Variants in ZNF667 observed in about 807,000 individuals in gnomAD.
ZNF667 encodes myocardial ischemic preconditioning upregulated 1 ortholog.
ZNF667 carries 13 observed loss-of-function variants against 31.8 expected under a neutral mutation model. The ratio of observed to expected loss-of-function variants is 0.41; its 90% CI spans 0.27 to 0.65. ZNF667 has a LOEUF of 0.65. Among genes scored for constraint, ZNF667 ranks in the 30% least tolerant of loss-of-function variants. The pLI, the probability that ZNF667 is intolerant of heterozygous loss-of-function variation, is 0.32. For missense variants in ZNF667, 642 were observed against 725.6 expected, an observed-to-expected ratio of 0.88 and a Z score of 1.32; for synonymous variants, 228 against 247.1, an observed-to-expected ratio of 0.92 and a Z score of 0.73.
intron 6 of ZNF667, among the ~76,000 whole-genome samples, chr19:56,448,394 A>G (rs1300120069): frequency 6.6e-6 from 1 of 152,142 alleles, no homozygotes. Flanking sequence ...TAAATCTGAA[A>G]GGCAGTCTAG....
chr19:56,466,855 G>A, intron 3 of ZNF667: 1 of 379,832 alleles, frequency 2.6e-6, no homozygotes, highest in Non-Finnish European at 5.3e-6. Context: ...TTTAGTGAGT[G>A]CATCTGCACA....
chr19:56,460,032 TAC>T (rs1375976828), intron 5 of ZNF667, among the ~76,000 whole-genome samples: 1 of 151,968 alleles, frequency 6.6e-6, no homozygotes, highest in Non-Finnish European at 1.5e-5. Context: ...AAGAGTTACC[TAC>T]AGAGTTTCCA....
intron 3 of ZNF667, chr19:56,470,132 G>A (rs1387858548): frequency 4.7e-6 from 2 of 425,510 alleles, no homozygotes; most frequent in Non-Finnish European, 9.6e-6. Flanking sequence ...TCTGCAAAGG[G>A]AGGACAAAGG....
rs914037635 is a variant in ZNF667, at chr19:56,442,530, T to G, written c.465A>C (p.Arg155=). 7 of 1,613,880 alleles carry G rather than the reference T, an allele frequency of 4.3e-6. No homozygotes were observed. The highest frequency in any genetic ancestry group is 4.2e-6 in the Non-Finnish European group (5 of 1,179,926). Residue 155 remains arginine (R), a synonymous_variant, in exon 7 of 7, where the codon CGA becomes CGC. Coordinates refer to ENST00000504904, the MANE Select transcript of ZNF667 (RefSeq NM_001321356.2). ...TCTGATGAAGTTTAAGAGAGAAGCT[T>G]CGACTAAAGGTTTTACCACAGTCAT... is the stretch of plus-strand genomic sequence containing the variant. ...KCNDCGKTFS[R]SFSLKLHQNI... is the part of the protein sequence containing the mutation.
chr19:56,443,509 C>T (rs2042661186), intron 6 of ZNF667, among the ~76,000 whole-genome samples: 1 of 152,148 alleles, frequency 6.6e-6, no homozygotes, highest in Non-Finnish European at 1.5e-5. Flanking sequence ...CAAACCTGTA[C>T]ATGACGTTAC....
chr19:56,454,211 T>C (rs900926747), intron 6 of ZNF667, among the ~76,000 whole-genome samples: 13 of 152,302 alleles, frequency 8.5e-5, no homozygotes, highest in African/African-American at 3.1e-4. Context: ...TAGTCCATGC[T>C]CATGGATTTG....
At chr19:56,470,615 C>T (rs530446015) in intron 3 of ZNF667, among the ~76,000 whole-genome samples, 2 of 152,312 alleles carry the variant, frequency 1.3e-5, no homozygotes, top group South Asian at 2.1e-4. Flanking sequence ...CCTGGCAGGG[C>T]ACGGGAGGCA....
intron 5 of ZNF667, 42 bp from the exon 6 acceptor site, chr19:56,458,289 C>A: frequency 6.3e-7 from 1 of 1,579,698 alleles, no homozygotes; most frequent in South Asian, 1.1e-5. Flanking sequence ...TAAATGTGGG[C>A]ACCACAGAAG....
At chr19:56,443,481 T>C (rs55960273) in intron 6 of ZNF667, among the ~76,000 whole-genome samples, 6,953 of 152,278 alleles carry the variant, frequency 0.046, 209 homozygotes, top group Non-Finnish European at 0.069. Flanking sequence ...TTATATTGTA[T>C]AGCCTGTTCC....
At chr19:56,471,145 G>A (rs1228510848) in intron 3 of ZNF667, among the ~76,000 whole-genome samples, 2 of 151,956 alleles carry the variant, frequency 1.3e-5, no homozygotes, top group African/African-American at 4.8e-5. Context: ...TTGTTTAGAA[G>A]TGTGTAGCCC....
rs1279859113 is a variant in ZNF667 at position 56,439,859 on chromosome 19, C to A, written c.*1303G>T. On this transcript the variant is annotated 3_prime_UTR_variant, in exon 7 of 7. Transcript: ENST00000504904. The stretch of plus-strand genomic sequence containing the variant: ...TTTTTCAGTGGAGACGGGGTTTCAC[C>A]GTGTTAGCCAGGATTGTCTCAATCT... 1 of 152,294 alleles carries A rather than the reference C, an allele frequency of 6.6e-6. No individual in the cohort carries two copies. The highest frequency in any genetic ancestry group is 2.4e-5 in the African/African-American group (1 of 41,428). The allele number at this position is 152,294 out of a possible 1,614,324, so 9.4% of individuals were successfully genotyped here.
At chr19:56,451,344 A>G (rs982764149) in intron 6 of ZNF667, among the ~76,000 whole-genome samples, 1 of 152,184 alleles carries the variant, frequency 6.6e-6, no homozygotes, top group Non-Finnish European at 1.5e-5. Flanking sequence ...TTCAGAGCTA[A>G]AGAGAGAGAC....
chr19:56,457,185 T>C (rs2042950542), intron 6 of ZNF667, among the ~76,000 whole-genome samples: 1 of 152,144 alleles, frequency 6.6e-6, no homozygotes, highest in African/African-American at 2.4e-5. Flanking sequence ...CAATGAATCC[T>C]TGAAAAGTAG....
At chr19:56,462,456 C>T in intron 3 of ZNF667, 27 bp from the exon 4 acceptor site, 1 of 1,538,308 alleles carries the variant, frequency 6.5e-7, no homozygotes, top group Non-Finnish European at 9.0e-7. Context: ...GGTCATGAGG[C>T]AGTGCCAGAG....
chr19:56,453,416 A>G (rs2042874025), intron 6 of ZNF667, among the ~76,000 whole-genome samples: 1 of 152,164 alleles, frequency 6.6e-6, no homozygotes, highest in South Asian at 2.1e-4. Flanking sequence ...CACATCAAAA[A>G]AAGAGCTTAA....
At chr19:56,466,284 C>CA (rs2043157712) in intron 3 of ZNF667, among the ~76,000 whole-genome samples, 1 of 152,200 alleles carries the variant, frequency 6.6e-6, no homozygotes, top group African/African-American at 2.4e-5. Context: ...CTCGAGAATG[C>CA]TGGAACCTGG....
intron 1 of ZNF667, chr19:56,475,490 AC>A (rs1300247938): frequency 6.6e-6 from 1 of 152,130 alleles, no homozygotes; most frequent in Non-Finnish European, 1.5e-5. Context: ...CCTGCAGGGG[AC>A]ATCTGACAGT....
chr19:56,467,136 G>A, intron 3 of ZNF667: 1 of 441,656 alleles, frequency 2.3e-6, no homozygotes, highest in Non-Finnish European at 4.5e-6. Context: ...TTAGCACTGT[G>A]TGCCATGCCG....
Position 56,443,349 on chromosome 19 carries a change from C to T in ZNF667, c.254-608G>A, listed in dbSNP as rs186688362. Among the ~76,000 whole-genome samples, 24 of 152,210 alleles carry T rather than the reference C, an allele frequency of 1.6e-4. No individual in the cohort carries two copies. In the East Asian group the frequency reaches 4.0e-3, roughly 26 times the overall value. The stretch of plus-strand genomic sequence containing the variant: ...TAAAAATTAGAATTGAGTACAGTCA[C>T]GGGTTGCTTAACAATGGGAACATGT... On this transcript the variant is annotated intron_variant, in intron 6 of 6. Coordinates refer to ENST00000504904, the MANE Select transcript of ZNF667 (RefSeq NM_001321356.2).
Sources: gnomAD v4.1 joint callset for allele counts (sites outside exome capture counted in the v4.1 genomes callset) on GRCh38, gnomAD v4.1.1 for gene constraint, MANE v1.5 for transcripts, NCBI Gene and HGNC (gene_info 2026-07-23, HGNC 2026-07-21) for gene names.